The following SYT14 variants were observed in gnomAD, a reference collection of about 807,000 sequenced individuals.
The protein encoded by SYT14 is synaptotagmin 14.
A neutral mutation model predicts 74.2 loss-of-function variants in SYT14; 32 were observed. The observed-to-expected ratio is 0.43, with a 90% CI of 0.33 to 0.58. SYT14 has a LOEUF of 0.58. SYT14 is among the 20% of genes least tolerant of loss of function. The pLI is 0.05. For synonymous variants in SYT14, 298 were observed against 337.7 expected (o/e 0.88, Z 1.29); for missense variants, 791 against 981.8 (o/e 0.81, Z 2.60).
At chr1:210,040,523 A>G (rs1324896994) in intron 5 of SYT14, among the ~76,000 whole-genome samples, 1 of 152,130 alleles carries the variant, frequency 6.6e-6, no homozygotes, top group Non-Finnish European at 1.5e-5. Context: ...TTTAAAAAAA[A>G]AAAAGAAACC....
chr1:210,046,901 A>G (rs1448085259), intron 5 of SYT14, among the ~76,000 whole-genome samples: 1 of 152,186 alleles, frequency 6.6e-6, no homozygotes, highest in African/African-American at 2.4e-5. Context: ...TCTTCACAGC[A>G]TCTCCAGAGT....
chr1:209,965,800 T>C lies in SYT14; in HGVS notation c.-486+13044T>C. On this transcript the variant is annotated intron_variant, in intron 2 of 9. Coordinates refer to ENST00000637265, the Ensembl canonical transcript of SYT14. Reference sequence around the variant, plus strand: ...TTCAGCCTCATTTTTTGAAAAAAACTATCCTTTCTGTGAAATGCCTTTATC... The same window carrying C: ...TTCAGCCTCATTTTTTGAAAAAAACCATCCTTTCTGTGAAATGCCTTTATC... 3 of 406,262 alleles carry C rather than the reference T, an allele frequency of 7.4e-6. 1 individual carries two copies. Among genetic ancestry groups the C allele is most frequent in the South Asian group, 5.4e-5 (3 of 55,510 alleles). The allele number at this position is 406,262 out of a possible 1,614,324, so 25.2% of individuals were successfully genotyped here.
At chr1:210,061,129 T>C (rs900715145) in intron 5 of SYT14, among the ~76,000 whole-genome samples, 5 of 151,968 alleles carry the variant, frequency 3.3e-5, no homozygotes, top group African/African-American at 1.2e-4. Flanking sequence ...ATTGAATCCT[T>C]TTTCTCTATC....
At chr1:210,083,429 T>A (rs2081656071) in intron 5 of SYT14, among the ~76,000 whole-genome samples, 1 of 152,222 alleles carries the variant, frequency 6.6e-6, no homozygotes, top group Admixed American at 6.5e-5. Context: ...TATATTTATT[T>A]TATAACAGGG....
chr1:210,130,602 A>G (rs1413290749), intron 7 of SYT14, among the ~76,000 whole-genome samples: 1 of 152,222 alleles, frequency 6.6e-6, no homozygotes, highest in East Asian at 1.9e-4. Context: ...TTTACGGTGT[A>G]TAGTCCCACC....
At chr1:210,164,103 A>G (rs1282859385) in exon 10 of SYT14, 1 of 451,134 alleles carries the variant, frequency 2.2e-6, no homozygotes. Context: ...ATGTATGTCA[A>G]ATCAGTAAAG....
intron 7 of SYT14, among the ~76,000 whole-genome samples, chr1:210,127,194 G>A (rs2082585568): frequency 6.6e-6 from 1 of 152,144 alleles, no homozygotes; most frequent in Non-Finnish European, 1.5e-5. Context: ...AAGATTCTAG[G>A]AGAACGTAAG....
In SYT14 at chr1:209,962,417, A is replaced by G. The variant is rs74764963; in HGVS notation, c.-486+9661A>G. Among the ~76,000 whole-genome samples the G allele has an allele frequency of 1.0e-2, 1,513 of 151,966 alleles. 19 individuals are homozygous for G. The highest frequency in any genetic ancestry group is 0.034 in the African/African-American group (1,398 of 41,472). On this transcript the variant is annotated intron_variant, in intron 2 of 9. Coordinates refer to ENST00000637265, the Ensembl canonical transcript of SYT14. ...CTTTAACCTGGCTCAAGAAATTTCAATTAGGTTGTGAATTTATAGAGCCTC... is the reference window on the plus strand; with the variant it reads ...CTTTAACCTGGCTCAAGAAATTTCAGTTAGGTTGTGAATTTATAGAGCCTC...
intron 5 of SYT14, among the ~76,000 whole-genome samples, chr1:210,056,803 A>G (rs1186660817): frequency 2.0e-5 from 3 of 150,454 alleles, no homozygotes; most frequent in African/African-American, 7.3e-5. Context: ...AACAACAACA[A>G]AAGTTTTTTT....
chr1:209,992,783 G>A (rs139416457), intron 2 of SYT14, among the ~76,000 whole-genome samples: 344 of 152,274 alleles, frequency 2.3e-3, no homozygotes, highest in African/African-American at 7.6e-3. Context: ...CACACTGAGA[G>A]AGACCATATT....
At chr1:210,166,208 C>G (rs2083453622) in exon 10 of SYT14, 1 of 152,218 alleles carries the variant, frequency 6.6e-6, no homozygotes, top group African/African-American at 2.4e-5. Flanking sequence ...GACACACGTT[C>G]TTTCCAAGAA....
At chr1:210,130,953 C>G (rs865953280) in intron 7 of SYT14, among the ~76,000 whole-genome samples, 1 of 152,052 alleles carries the variant, frequency 6.6e-6, no homozygotes, top group Non-Finnish European at 1.5e-5. Flanking sequence ...AAATTTGAAT[C>G]AGAAATAATC....
intron 9 of SYT14, among the ~76,000 whole-genome samples, chr1:210,159,945 A>G (rs2083340624): frequency 6.6e-6 from 1 of 152,136 alleles, no homozygotes; most frequent in Non-Finnish European, 1.5e-5. Flanking sequence ...ACATCACATC[A>G]ATTTTTTTGT....
At chr1:210,144,429 C>T (rs2082986962) in intron 7 of SYT14, among the ~76,000 whole-genome samples, 1 of 152,004 alleles carries the variant, frequency 6.6e-6, no homozygotes, top group African/African-American at 2.4e-5. Flanking sequence ...TGCTAAATAC[C>T]TTACTAAAGT....
rs954614227 is a variant in SYT14, at chr1:210,143,430, GATATCT to G, written c.2035-12289_2035-12284del. Among the ~76,000 whole-genome samples the G allele has an allele frequency of 1.6e-4, 24 of 152,166 alleles. No homozygotes were observed. The East Asian group carries it at 2.1e-3, about 13-fold the overall frequency. On this transcript the variant is annotated intron_variant, in intron 7 of 9. Transcript: ENST00000637265. Reference sequence around the variant, plus strand: ...CAATTACAATAGTTACTTGGAATTGGATATCTAAATTTGTTAAATATTACACAGTTG... The same window carrying G: ...CAATTACAATAGTTACTTGGAATTGGAAATTTGTTAAATATTACACAGTTG...
At chr1:210,026,107 A>G (rs2080405979) in intron 5 of SYT14, among the ~76,000 whole-genome samples, 1 of 151,802 alleles carries the variant, frequency 6.6e-6, no homozygotes, top group African/African-American at 2.4e-5. Context: ...TTTTTTTTGG[A>G]ACTACAAAAG....
chr1:210,103,892 T>C (rs1428983677), intron 7 of SYT14, among the ~76,000 whole-genome samples: 1 of 152,220 alleles, frequency 6.6e-6, no homozygotes, highest in African/African-American at 2.4e-5. Context: ...ACATGTATTA[T>C]GTTTTCTCTT....
chr1:210,125,507 G>C (rs1236368585), intron 7 of SYT14, among the ~76,000 whole-genome samples: 1 of 152,104 alleles, frequency 6.6e-6, no homozygotes, highest in East Asian at 1.9e-4. Context: ...ATCAAACTAA[G>C]ATAGTATGTT....
At chr1:210,125,294 A>G (rs2082547686) in intron 7 of SYT14, among the ~76,000 whole-genome samples, 1 of 151,662 alleles carries the variant, frequency 6.6e-6, no homozygotes, top group Non-Finnish European at 1.5e-5. Flanking sequence ...CCCACTTACA[A>G]GTGAGAACAT....
Sources: gnomAD v4.1 joint callset for allele counts (sites outside exome capture counted in the v4.1 genomes callset) on GRCh38, gnomAD v4.1.1 for gene constraint, MANE v1.5 for transcripts, NCBI Gene and HGNC (gene_info 2026-07-23, HGNC 2026-07-21) for gene names.